The following LAP3 variants were observed in gnomAD, a reference collection of about 807,000 sequenced individuals.
LAP3 encodes cytosol aminopeptidase.
Under a neutral mutation model 58.8 loss-of-function variants are expected in LAP3, and 46 were observed. That is an observed-to-expected ratio of 0.78 (90% CI 0.62 to 1.00). LAP3 has a LOEUF of 1.00. Among genes scored for constraint, LAP3 ranks in the 50% least tolerant of loss-of-function variants. LAP3 has a pLI of 0.00. For synonymous variants in LAP3, 257 were observed against 237.7 expected (o/e 1.08, Z -0.75); for missense variants, 615 against 659.1 (o/e 0.93, Z 0.73).
intron 9 of LAP3, 57 bp downstream of exon 9, chr4:17,597,191 T>C: frequency 3.5e-6 from 5 of 1,422,984 alleles, no homozygotes; most frequent in Non-Finnish European, 5.0e-6. Context: ...AATCCCGTGG[T>C]GGCCACATAA....
intron 7 of LAP3, among the ~76,000 whole-genome samples, chr4:17,592,254 C>G (rs1466023270): frequency 6.6e-6 from 1 of 152,182 alleles, no homozygotes; most frequent in Non-Finnish European, 1.5e-5. Context: ...CCCACCTGCC[C>G]TTGCTCCAGA....
chr4:17,586,697 A>G (rs6449313), intron 6 of LAP3, among the ~76,000 whole-genome samples: 96,749 of 151,998 alleles, frequency 0.64, 31,488 homozygotes, highest in East Asian at 0.93. Context: ...GATTGTGCAC[A>G]CCTCTATTTG....
chr4:17,606,891 G>A lies in LAP3; in HGVS notation c.1323G>A (p.Gln441=), dbSNP rs375737595. ...RMPLFEHYTR[Q]VVDCQLADVN... ...CTCTCTTCGAACATTATACAAGACA[G>A]GTTGTAGATTGCCAGCTTGCTGATG... The change falls in exon 12 of 13, where the codon CAG becomes CAA. Residue 441 remains glutamine (Q), a synonymous_variant. Coordinates refer to ENST00000226299, the MANE Select transcript of LAP3 (RefSeq NM_015907.3). The A allele has an allele frequency of 2.5e-6, 4 of 1,613,390 alleles. No homozygotes were observed. The highest frequency in any genetic ancestry group is 4.5e-5 in the East Asian group (2 of 44,876).
rs749504162 is a variant in LAP3, at chr4:17,595,455, G to A, written c.909G>A (p.Arg303=). The change falls in exon 8 of 13, where the codon AGG becomes AGA. Residue 303 remains arginine (R), a synonymous_variant. Transcript: ENST00000226299. ...IKASANMDLM[R]ADMGGAATIC... is the part of the protein sequence containing the mutation. The stretch of plus-strand genomic sequence containing the variant: ...CTTCTGCAAATATGGACCTCATGAG[G>A]GCTGACATGGGAGGAGCTGCAACTA... The A allele has an allele frequency of 5.0e-6, 8 of 1,613,842 alleles. No individual in the cohort carries two copies. The South Asian group carries it at 7.7e-5, about 16-fold the overall frequency.
chr4:17,598,409 T>C (rs1713885844), intron 9 of LAP3, 47 bp from the exon 10 acceptor site: 2 of 1,370,486 alleles, frequency 1.5e-6, no homozygotes, highest in Admixed American at 1.7e-5. Flanking sequence ...CTAGTTTTCA[T>C]ATTCTTTACT....
At chr4:17,602,628 C>G (rs929421806) in intron 10 of LAP3, among the ~76,000 whole-genome samples, 2 of 152,128 alleles carry the variant, frequency 1.3e-5, no homozygotes, top group African/African-American at 4.8e-5. Context: ...ATATCTCCAT[C>G]CAGTGGACTA....
intron 10 of LAP3, among the ~76,000 whole-genome samples, chr4:17,601,470 G>C (rs1190595549): frequency 6.6e-6 from 1 of 152,112 alleles, no homozygotes; most frequent in Non-Finnish European, 1.5e-5. Context: ...TTTTAAAACT[G>C]ATAGATGACT....
rs1713221264 is a variant in LAP3, at chr4:17,577,321, C to G, written c.-145C>G. The G allele has an allele frequency of 5.9e-6, 2 of 339,302 alleles. 1 individual carries two copies. The highest frequency in any genetic ancestry group is 6.1e-5 in the South Asian group (2 of 32,616). The allele number at this position is 339,302 out of a possible 1,614,324, so 21.0% of individuals were successfully genotyped here. ...GGCCGGTGCTGCCCATCCGTCCCGC[C>G]CCCTAGACGCACGTCCGCTCGCCCG... On this transcript the variant is annotated 5_prime_UTR_variant, in exon 1 of 13. Transcript: ENST00000226299.
rs370785690 is a variant in LAP3, at chr4:17,598,467, T to C, written c.1089T>C (p.Thr363=). The change falls in exon 10 of 13, where the codon ACT becomes ACC. Residue 363 remains threonine, a synonymous_variant. Coordinates refer to ENST00000226299, the MANE Select transcript of LAP3 (RefSeq NM_015907.3). ...KNGKTIQVDN[T]DAEGRLILAD... is the part of the protein sequence containing the mutation. ...TTGACCCTCTGCAGGTTGATAACAC[T>C]GATGCTGAGGGGAGGCTCATACTGG... is the stretch of plus-strand genomic sequence containing the variant. The C allele has an allele frequency of 1.3e-4, 216 of 1,613,522 alleles. No homozygotes were observed. Among genetic ancestry groups the C allele is most frequent in the Non-Finnish European group, 1.7e-4 (206 of 1,179,534 alleles).
intron 6 of LAP3, among the ~76,000 whole-genome samples, chr4:17,587,913 G>C (rs890098482): frequency 3.3e-5 from 5 of 151,348 alleles, no homozygotes; most frequent in Non-Finnish European, 5.9e-5. Flanking sequence ...CAGTCATTGG[G>C]ATATAGCTTT....
At chr4:17,607,298 C>A in intron 12 of LAP3, 102 bp from the exon 13 acceptor site, 2 of 945,954 alleles carry the variant, frequency 2.1e-6, no homozygotes, top group Non-Finnish European at 3.2e-6. Context: ...GTCTTACAAG[C>A]TTGACTCTTG....
intron 1 of LAP3, among the ~76,000 whole-genome samples, chr4:17,578,236 G>T (rs1169152369): frequency 1.3e-5 from 2 of 152,174 alleles, no homozygotes; most frequent in African/African-American, 2.4e-5. Flanking sequence ...GCAGAAGAAC[G>T]TTCTAGGGGG....
intron 7 of LAP3, among the ~76,000 whole-genome samples, chr4:17,590,836 C>T (rs1049976250): frequency 6.6e-6 from 1 of 151,598 alleles, no homozygotes; most frequent in Admixed American, 6.6e-5. Flanking sequence ...TCCTGAACTG[C>T]TGGGATTACA....
intron 10 of LAP3, among the ~76,000 whole-genome samples, chr4:17,599,156 A>T (rs571826827): frequency 1.2e-3 from 186 of 152,312 alleles, no homozygotes; most frequent in African/African-American, 4.3e-3. Flanking sequence ...ACAAGATTAC[A>T]GAAGTGAGCC....
intron 10 of LAP3, among the ~76,000 whole-genome samples, chr4:17,603,028 C>T (rs1052278001): frequency 6.6e-6 from 1 of 151,446 alleles, no homozygotes. Flanking sequence ...AAGAACACAG[C>T]CAGGCGCGAT....
At chr4:17,602,316 G>A (rs1003585932) in intron 10 of LAP3, among the ~76,000 whole-genome samples, 1 of 152,128 alleles carries the variant, frequency 6.6e-6, no homozygotes, top group Non-Finnish European at 1.5e-5. Context: ...TTACAGATGG[G>A]CCAGGCAAAT....
rs149641263 is a variant in LAP3 at position 17,605,681 on chromosome 4, A to C, written c.1260+1014A>C. On this transcript the variant is annotated intron_variant, in intron 11 of 12. Coordinates refer to ENST00000226299, the MANE Select transcript of LAP3 (RefSeq NM_015907.3). ...GAAGCCCAATTTTCCCAGTTCTGCAATACTCAGCCCCATCATCTTCTTCCA... is the reference window on the plus strand; with the variant it reads ...GAAGCCCAATTTTCCCAGTTCTGCACTACTCAGCCCCATCATCTTCTTCCA... Among the ~76,000 whole-genome samples the C allele has an allele frequency of 3.2e-3, 482 of 152,278 alleles. 8 individuals are homozygous for C. The highest frequency in any genetic ancestry group is 0.031 in the South Asian group (149 of 4,828).
chr4:17,590,975 C>T (rs1443624829), intron 7 of LAP3, among the ~76,000 whole-genome samples: 1 of 147,734 alleles, frequency 6.8e-6, no homozygotes, highest in Non-Finnish European at 1.5e-5. Context: ...TGCTATGTTG[C>T]CCAGGCTGGT....
At position 17,607,541 on chromosome 4, in the gene LAP3, A is replaced by G. The variant is rs761987377; in HGVS notation, c.1512A>G (p.Thr504=). ...GGAAAGGCATGACTGGGAGGCCCACAAGGACTCTCATTGAGTTCTTACTTC... is the reference window on the plus strand; with the variant it reads ...GGAAAGGCATGACTGGGAGGCCCACGAGGACTCTCATTGAGTTCTTACTTC... ...YLRKGMTGRP[T]RTLIEFLLRF... Residue 504 remains threonine, a synonymous_variant, in exon 13 of 13, where the codon ACA becomes ACG. Transcript: ENST00000226299. 5.6e-5 allele frequency: 90 copies of G among 1,613,936 alleles called. No individual in the cohort carries two copies. The highest frequency in any genetic ancestry group is 7.4e-5 in the Non-Finnish European group (87 of 1,180,010).
Sources: allele counts gnomAD v4.1 joint callset (sites outside exome capture counted in the v4.1 genomes callset), GRCh38; gene constraint gnomAD v4.1.1; transcripts MANE v1.5; gene names NCBI Gene and HGNC (gene_info 2026-07-23, HGNC 2026-07-21).